CDH8: variants seen among roughly 807,000 people sequenced by gnomAD.
CDH8 encodes cadherin-8.
A neutral mutation model predicts 68.1 loss-of-function variants in CDH8; 17 were observed. The ratio of observed to expected loss-of-function variants is 0.25; its 90% CI spans 0.17 to 0.37. CDH8 has a LOEUF of 0.37. Among genes scored for constraint, CDH8 ranks in the 10% least tolerant of loss-of-function variants. CDH8 has a pLI of 1.00. For synonymous variants in CDH8, 372 were observed against 365.1 expected (o/e 1.02, Z -0.21); for missense variants, 763 against 999.3 (o/e 0.76, Z 3.19).
At chr16:61,670,538 T>A (rs866240450) in intron 10 of CDH8, among the ~76,000 whole-genome samples, 5 of 152,154 alleles carry the variant, frequency 3.3e-5, no homozygotes, top group Non-Finnish European at 5.9e-5. Flanking sequence ...TTAAAAATTT[T>A]AAAAATTTTA....
intron 3 of CDH8, among the ~76,000 whole-genome samples, chr16:61,865,612 T>C (rs1239606010): frequency 1.3e-5 from 2 of 152,134 alleles, no homozygotes; most frequent in Non-Finnish European, 2.9e-5. Context: ...ATGAGGGCAA[T>C]TGGAGGCCTG....
intron 7 of CDH8, among the ~76,000 whole-genome samples, chr16:61,798,290 C>T (rs781654948): frequency 1.3e-5 from 2 of 151,914 alleles, no homozygotes; most frequent in Non-Finnish European, 2.9e-5. Flanking sequence ...CCCTTAGTGC[C>T]GAGTATCATA....
At chr16:61,887,238 T>C (rs1963691420) in intron 3 of CDH8, among the ~76,000 whole-genome samples, 1 of 152,036 alleles carries the variant, frequency 6.6e-6, no homozygotes, top group Non-Finnish European at 1.5e-5. Context: ...AGTAAACAGA[T>C]TGTCCATGAA....
At chr16:61,807,627 G>C (rs200757233) in intron 7 of CDH8, among the ~76,000 whole-genome samples, 1 of 152,150 alleles carries the variant, frequency 6.6e-6, no homozygotes, top group Non-Finnish European at 1.5e-5. Flanking sequence ...TGCCAGAGAT[G>C]TGAGGGGCGT....
At position 61,960,211 on chromosome 16, in the gene CDH8, A is replaced by G. The variant is rs556099949; in HGVS notation, c.253-58738T>C. On this transcript the variant is annotated intron_variant, in intron 2 of 11. Coordinates refer to ENST00000577390, the MANE Select transcript of CDH8 (RefSeq NM_001796.5). Reference sequence around the variant, plus strand: ...TGTGTGTATACACATACATATATACATGTGTGTGTGTATACACACATATAT... The same window carrying G: ...TGTGTGTATACACATACATATATACGTGTGTGTGTGTATACACACATATAT... Among the ~76,000 whole-genome samples the G allele has an allele frequency of 3.0e-4, 10 of 33,496 alleles. 2 individuals carry two copies. Among genetic ancestry groups the G allele is most frequent in the South Asian group, 8.3e-4 (1 of 1,204 alleles). The allele number at this position is 33,496 out of a possible 152,430, so 22.0% of individuals were successfully genotyped here. A position where few individuals can be genotyped will look rare whatever the true frequency, so the allele number is the denominator to read the frequency against.
At chr16:61,943,790 ATAT>A (rs1391120561) in intron 2 of CDH8, among the ~76,000 whole-genome samples, 3 of 152,216 alleles carry the variant, frequency 2.0e-5, no homozygotes, top group African/African-American at 7.2e-5. Flanking sequence ...AAGTGAAATA[ATAT>A]TATAGGAAGG....
chr16:61,855,828 A>G (rs898134113), intron 4 of CDH8, among the ~76,000 whole-genome samples: 1 of 152,134 alleles, frequency 6.6e-6, no homozygotes, highest in Non-Finnish European at 1.5e-5. Flanking sequence ...AAGTTATAGG[A>G]CATCTCAAAC....
chr16:61,940,154 A>G (rs965088459), intron 2 of CDH8: 1 of 152,194 alleles, frequency 6.6e-6, no homozygotes, highest in Non-Finnish European at 1.5e-5. Flanking sequence ...TTACATAAAA[A>G]GAATTTATTA....
intron 8 of CDH8, among the ~76,000 whole-genome samples, chr16:61,727,852 A>C (rs1959420187): frequency 6.6e-6 from 1 of 151,106 alleles, no homozygotes; most frequent in African/African-American, 2.4e-5. Context: ...ATAATCTTCT[A>C]ATCTTTCCAG....
chr16:61,718,102 G>T (rs1011678540), intron 9 of CDH8, among the ~76,000 whole-genome samples: 1 of 151,198 alleles, frequency 6.6e-6, no homozygotes, highest in Non-Finnish European at 1.5e-5. Flanking sequence ...TATGCCAGGC[G>T]TCCTCAAAAC....
intron 2 of CDH8, among the ~76,000 whole-genome samples, chr16:61,977,752 A>T (rs576312766): frequency 6.6e-6 from 1 of 152,182 alleles, no homozygotes; most frequent in African/African-American, 2.4e-5. Flanking sequence ...CTGAACTCTT[A>T]GCTTCTAATA....
intron 4 of CDH8, among the ~76,000 whole-genome samples, chr16:61,853,882 C>G (rs1255271676): frequency 6.6e-6 from 1 of 151,884 alleles, no homozygotes; most frequent in Non-Finnish European, 1.5e-5. Context: ...GCTATTCCTG[C>G]ATATTATAGT....
At chr16:61,883,655 G>C (rs1963618708) in intron 3 of CDH8, among the ~76,000 whole-genome samples, 1 of 150,152 alleles carries the variant, frequency 6.7e-6, no homozygotes, top group Admixed American at 6.7e-5. Flanking sequence ...GTAGGTTAAT[G>C]GCATACTTGA....
At chr16:61,838,507 T>C (rs936418922) in intron 4 of CDH8, among the ~76,000 whole-genome samples, 1 of 152,116 alleles carries the variant, frequency 6.6e-6, no homozygotes, top group Non-Finnish European at 1.5e-5. Flanking sequence ...TACCCACTGT[T>C]GATAAAAGAC....
intron 3 of CDH8, among the ~76,000 whole-genome samples, chr16:61,887,768 C>T (rs1963702160): frequency 6.6e-6 from 1 of 152,118 alleles, no homozygotes; most frequent in Non-Finnish European, 1.5e-5. Flanking sequence ...ACTGTATTTA[C>T]ATTTTTTACT....
intron 3 of CDH8, among the ~76,000 whole-genome samples, chr16:61,893,318 G>A (rs1239738276): frequency 6.6e-6 from 1 of 152,008 alleles, no homozygotes; most frequent in East Asian, 1.9e-4. Flanking sequence ...CTGCTAAAAC[G>A]CTGTTTCTAA....
intron 10 of CDH8, among the ~76,000 whole-genome samples, chr16:61,708,653 G>A (rs961700636): frequency 3.3e-5 from 5 of 152,284 alleles, no homozygotes; most frequent in Admixed American, 1.3e-4. Flanking sequence ...CTTGCACATC[G>A]CCCTTAATTA....
chr16:61,961,170 C>G (rs773506395), intron 2 of CDH8, among the ~76,000 whole-genome samples: 2 of 152,036 alleles, frequency 1.3e-5, no homozygotes, highest in East Asian at 3.9e-4. Context: ...ACAAAATTAG[C>G]CAGGTGTGGA....
In CDH8 at chr16:61,650,133, A is replaced by G. The variant is rs1238064481; in HGVS notation, c.*3475T>C. 1.3e-5 allele frequency: 2 copies of G among 152,152 alleles called. No homozygotes were observed. Among genetic ancestry groups the G allele is most frequent in the Non-Finnish European group, 2.9e-5 (2 of 68,024 alleles). The allele number at this position is 152,152 out of a possible 1,614,324, so 9.4% of individuals were successfully genotyped here. A position where few individuals can be genotyped will look rare whatever the true frequency, so the allele number is the denominator to read the frequency against. ...GTTAACACTTGAATTTAAAAATAGC[A>G]TATTTTAGTCATCGTATTATAAATG... is the stretch of plus-strand genomic sequence containing the variant. On this transcript the variant is annotated 3_prime_UTR_variant, in exon 12 of 12. Coordinates refer to ENST00000577390, the MANE Select transcript of CDH8 (RefSeq NM_001796.5).
Sources: gnomAD v4.1 joint callset for allele counts (sites outside exome capture counted in the v4.1 genomes callset) on GRCh38, gnomAD v4.1.1 for gene constraint, MANE v1.5 for transcripts, NCBI Gene and HGNC (gene_info 2026-07-23, HGNC 2026-07-21) for gene names.